The following GSDMD variants were observed in gnomAD, a reference collection of about 807,000 sequenced individuals.
GSDMD encodes the protein gasdermin-D.
GSDMD carries 46 observed loss-of-function variants against 46.7 expected under a neutral mutation model. The observed-to-expected ratio is 0.99, with a 90% CI of 0.78 to 1.26. GSDMD has a LOEUF of 1.26. GSDMD is among the 50% of genes most tolerant of loss of function. The pLI, the probability that GSDMD is intolerant of heterozygous loss-of-function variation, is 0.00. For missense variants in GSDMD, 649 were observed against 638.8 expected, an observed-to-expected ratio of 1.02 and a Z score of -0.17; for synonymous variants, 307 against 283.1, an observed-to-expected ratio of 1.08 and a Z score of -0.85.
At chr8:143,559,280 T>TTGCA in intron 1 of GSDMD, 52 bp from the exon 2 acceptor site, 1 of 579,430 alleles carries the variant, frequency 1.7e-6, no homozygotes, top group Non-Finnish European at 3.2e-6. Context: ...CTTCTCCCAC[T>TTGCA]CCCTCCCGCC....
At position 143,561,441 on chromosome 8, in the gene GSDMD, C is replaced by A. The variant is rs1303856771; in HGVS notation, c.736+18C>A. ...CGCGACAGGTGAGAGCCGAGAGCCC[C>A]CAGCATGGGGTGTCCGGTGGGAAAA... On this transcript the variant is annotated intron_variant, in intron 6 of 10. Coordinates refer to ENST00000262580, the MANE Select transcript of GSDMD (RefSeq NM_024736.7). 6.2e-7 allele frequency: 1 copy of A among 1,608,414 alleles called. No homozygotes were observed. The highest frequency in any genetic ancestry group is 8.5e-7 in the Non-Finnish European group (1 of 1,178,138).
At chr8:143,554,328 G>A (rs377640321), upstream of GSDMD, among the ~76,000 whole-genome samples, 1 of 152,276 alleles carries the variant, frequency 6.6e-6, no homozygotes, top group Non-Finnish European at 1.5e-5. Flanking sequence ...ACGTGTACAT[G>A]CCCTACGTGA....
chr8:143,560,159 C>G, intron 3 of GSDMD, 190 bp downstream of exon 3: 1 of 713,426 alleles, frequency 1.4e-6, no homozygotes, highest in South Asian at 1.5e-5. Context: ...CAGGGGTGAG[C>G]CACTGTGCCA....
In GSDMD at chr8:143,559,360, G is replaced by A; in HGVS notation, c.25G>A (p.Val9Ile). 6.2e-7 allele frequency: 1 copy of A among 1,612,410 alleles called. No individual in the cohort carries two copies. Among genetic ancestry groups the A allele is most frequent in the Non-Finnish European group, 8.5e-7 (1 of 1,179,874 alleles). The change falls in exon 2 of 11, where the codon GTC (valine) becomes ATC (isoleucine). Residue 9 changes from valine (V) to isoleucine (I), a missense_variant. Coordinates refer to ENST00000262580, the MANE Select transcript of GSDMD (RefSeq NM_024736.7). ...CATGGGGTCGGCCTTTGAGCGGGTA[G>A]TCCGGAGAGTGGTCCAGGAGCTGGA... is the stretch of plus-strand genomic sequence containing the variant. Reference protein sequence around the residue: MGSAFERVVRRVVQELDHG... With the variant: MGSAFERVIRRVVQELDHG...
In GSDMD at chr8:143,562,134, G is replaced by A; in HGVS notation, c.996+3G>A. 1 of 1,598,318 alleles carries A rather than the reference G, an allele frequency of 6.3e-7. No individual in the cohort carries two copies. The highest frequency in any genetic ancestry group is 8.5e-7 in the Non-Finnish European group (1 of 1,179,168). The stretch of plus-strand genomic sequence containing the variant: ...CCCTGCGAGCCTTGGAGGAGGCGGT[G>A]AGCGGGGGAGGGTGCCCGGGGCACA... On this transcript the variant is annotated splice_donor_region_variant and intron_variant, in intron 8 of 10. Coordinates refer to ENST00000262580, the MANE Select transcript of GSDMD (RefSeq NM_024736.7).
In GSDMD at chr8:143,559,296, C is replaced by T. The variant is rs371338688; in HGVS notation, c.-4-36C>T. ...TTCTCCCACTCCCTCCCGCCCGCCC[C>T]GAGAGCACAATGCCTGACCCATTTC... On this transcript the variant is annotated intron_variant, in intron 1 of 10. Transcript: ENST00000262580. 1.4e-4 allele frequency: 149 copies of T among 1,052,300 alleles called. 1 individual carries two copies. The highest frequency in any genetic ancestry group is 2.9e-4 in the African/African-American group (18 of 62,924). 65.2% of individuals were successfully genotyped at this position (1,052,300 alleles called of 1,614,324 possible). A position where few individuals can be genotyped will look rare whatever the true frequency, so the allele number is the denominator to read the frequency against.
rs565786010 is a variant in GSDMD at position 143,560,294 on chromosome 8, G to C, written c.411-309G>C. ...GCTGCAGGGGTCATCTGGGGCCTCC[G>C]CTGCCAGGACTGGATCCTAAGGACC... On this transcript the variant is annotated intron_variant, in intron 3 of 10. Coordinates refer to ENST00000262580, the MANE Select transcript of GSDMD (RefSeq NM_024736.7). 27 of 687,648 alleles carry C rather than the reference G, an allele frequency of 3.9e-5. No individual in the cohort carries two copies. The East Asian group carries it at 7.5e-4, about 19-fold the overall frequency. 42.6% of individuals were successfully genotyped at this position (687,648 alleles called of 1,614,324 possible). A position where few individuals can be genotyped will look rare whatever the true frequency, so the allele number is the denominator to read the frequency against.
At chr8:143,561,634 G>A (rs1394175033) in intron 6 of GSDMD, 108 bp from the exon 7 acceptor site, 1 of 1,024,552 alleles carries the variant, frequency 9.8e-7, no homozygotes, top group African/African-American at 1.6e-5. Context: ...TGCCAGTGTT[G>A]GCAGTGGTGA....
Position 143,561,086 on chromosome 8 carries a change from G to A in GSDMD, c.664G>A (p.Val222Ile), listed in dbSNP as rs754167925. 1 of 1,613,188 alleles carries A rather than the reference G, an allele frequency of 6.2e-7. No individual in the cohort carries two copies. The highest frequency in any genetic ancestry group is 8.5e-7 in the Non-Finnish European group (1 of 1,179,904). Residue 222 changes from valine to isoleucine, a missense_variant, in exon 5 of 11, where the codon GTT (valine) becomes ATT (isoleucine). By Grantham distance (29) the Val-to-Ile change is conservative (BLOSUM62 3). Coordinates refer to ENST00000262580, the MANE Select transcript of GSDMD (RefSeq NM_024736.7). ...STLAFRVAQLVIDSDLDVLLF... is the reference protein window; with the variant it reads ...STLAFRVAQLIIDSDLDVLLF... ...CCTCGCATTCCGGGTGGCCCAGCTG[G>A]TTATTGACTCTGACTTGGGTGAGCT... is the stretch of plus-strand genomic sequence containing the variant.
At chr8:143,558,495 C>CAGCCAG (rs1563903887) in intron 1 of GSDMD, 44 bp downstream of exon 1, 1 of 1,408,456 alleles carries the variant, frequency 7.1e-7, no homozygotes, top group Admixed American at 3.2e-5. Flanking sequence ...CTGGAGCTCC[C>CAGCCAG]GAGTGGGGCC....
upstream of GSDMD, among the ~76,000 whole-genome samples, chr8:143,557,604 G>C (rs988667435): frequency 6.6e-6 from 1 of 152,212 alleles, no homozygotes; most frequent in Non-Finnish European, 1.5e-5. Context: ...TGGGTCACAC[G>C]GTAACTCTTG....
upstream of GSDMD, among the ~76,000 whole-genome samples, chr8:143,556,624 T>C (rs1823300995): frequency 6.6e-6 from 1 of 151,898 alleles, no homozygotes; most frequent in South Asian, 2.1e-4. Flanking sequence ...CACCACTGTG[T>C]CCCCACTGTG....
chr8:143,561,433 G>C lies in GSDMD; in HGVS notation c.736+10G>C, dbSNP rs2290414. 4 of 1,608,866 alleles carry C rather than the reference G, an allele frequency of 2.5e-6. No homozygotes were observed. The highest frequency in any genetic ancestry group is 2.2e-5 in the South Asian group (2 of 90,650). ...CAGCCACCCGCGACAGGTGAGAGCC[G>C]AGAGCCCCCAGCATGGGGTGTCCGG... On this transcript the variant is annotated intron_variant, in intron 6 of 10. Coordinates refer to ENST00000262580, the MANE Select transcript of GSDMD (RefSeq NM_024736.7).
intron 6 of GSDMD, 129 bp from the exon 7 acceptor site, chr8:143,561,613 C>T: frequency 3.2e-6 from 3 of 935,790 alleles, no homozygotes; most frequent in South Asian, 1.6e-5. Context: ...GCCTCCCTTC[C>T]TGCCCTGGGC....
At chr8:143,559,999 G>GGCCCCACCCACCCCAAGCAAC in intron 3 of GSDMD, 30 bp downstream of exon 3, 1 of 1,586,890 alleles carries the variant, frequency 6.3e-7, no homozygotes, top group African/African-American at 1.4e-5. Context: ...GGCAGGGCAG[G>GGCCCCACCCACCCCAAGCAAC]GCCCCACCTA....
At chr8:143,561,475 C>G in intron 6 of GSDMD, 52 bp downstream of exon 6, 1 of 1,559,708 alleles carries the variant, frequency 6.4e-7, no homozygotes, top group Non-Finnish European at 8.8e-7. Flanking sequence ...AAGCACACTC[C>G]CTGGGCAGTT....
rs1037860856 is a variant in GSDMD at position 143,558,504 on chromosome 8, C to T, written c.-5+53C>T. 1.1e-5 allele frequency: 16 copies of T among 1,392,546 alleles called. No individual in the cohort carries two copies. The African/African-American group carries it at 2.3e-4, about 20-fold the overall frequency. The allele number at this position is 1,392,546 out of a possible 1,614,324, so 86.3% of individuals were successfully genotyped here. On this transcript the variant is annotated intron_variant, in intron 1 of 10. Coordinates refer to ENST00000262580, the MANE Select transcript of GSDMD (RefSeq NM_024736.7). Reference sequence around the variant, plus strand: ...GCCTGGCTGGAGCTCCCGAGTGGGGCCGGCCGCTGGCTCCCGGGTGGGGGA... The same window carrying T: ...GCCTGGCTGGAGCTCCCGAGTGGGGTCGGCCGCTGGCTCCCGGGTGGGGGA...
At chr8:143,553,401 C>T (rs1216742592), upstream of GSDMD, 1 of 145,924 alleles carries the variant, frequency 6.9e-6, no homozygotes, top group African/African-American at 2.4e-5. Context: ...CTTGGAGCCC[C>T]GCCGCCCGCC....
upstream of GSDMD, among the ~76,000 whole-genome samples, chr8:143,557,312 A>ACGACAGATGCTGCCGCTT (rs1563902550): frequency 7.3e-4 from 63 of 86,792 alleles, no homozygotes; most frequent in African/African-American, 3.2e-3. Flanking sequence ...TGCTGCCGCT[A>ACGACAGATGCTGCCGCTT]TGGCGAAGGA....
Sources: gnomAD v4.1 joint callset for allele counts (sites outside exome capture counted in the v4.1 genomes callset) on GRCh38, gnomAD v4.1.1 for gene constraint, MANE v1.5 for transcripts, NCBI Gene and HGNC (gene_info 2026-07-23, HGNC 2026-07-21) for gene names.